Variants in C1QTNF3 observed in about 807,000 individuals in gnomAD.
C1QTNF3 encodes complement C1q tumor necrosis factor-related protein 3.
Under a neutral mutation model 32.6 loss-of-function variants are expected in C1QTNF3, and 26 were observed. That is an observed-to-expected ratio of 0.80 (90% CI 0.58 to 1.11). The LOEUF (loss-of-function observed/expected upper bound fraction) is 1.11, where lower values mean the gene tolerates loss of function less well. Among genes scored for constraint, C1QTNF3 ranks in the 50% least tolerant of loss-of-function variants. C1QTNF3 has a pLI of 0.00. For synonymous variants in C1QTNF3, 155 were observed against 146.0 expected (o/e 1.06, Z -0.44); for missense variants, 362 against 398.2 (o/e 0.91, Z 0.77).
the C1QTNF3 span, chr5:34,182,800 T>G: frequency 2.0e-6 from 1 of 511,990 alleles, no homozygotes; most frequent in East Asian, 5.7e-5. Context: ...TGTTGTCTGA[T>G]TTCAAAAGAC....
chr5:34,138,204 C>G, the C1QTNF3 span, among the ~76,000 whole-genome samples: 2 of 152,160 alleles, frequency 1.3e-5, no homozygotes, highest in African/African-American at 2.4e-5. Context: ...GCCATCCAGT[C>G]TCTTGTATTT....
chr5:34,170,967 T>C, the C1QTNF3 span, among the ~76,000 whole-genome samples: 2 of 152,178 alleles, frequency 1.3e-5, no homozygotes, highest in Non-Finnish European at 2.9e-5. Flanking sequence ...CAATAACTTA[T>C]GAAGCATCAT....
chr5:34,144,558 A>C, the C1QTNF3 span, among the ~76,000 whole-genome samples: 1 of 152,246 alleles, frequency 6.6e-6, no homozygotes, highest in Non-Finnish European at 1.5e-5. Context: ...AAATTCAAAG[A>C]ATTAGATATC....
chr5:34,175,518 A>C, the C1QTNF3 span: 1 of 300,074 alleles, frequency 3.3e-6, no homozygotes. Flanking sequence ...AATGAGGTCC[A>C]GTGTTTCCTT....
At position 34,019,172 on chromosome 5, in the gene C1QTNF3, A is replaced by G. The variant is rs903131066; in HGVS notation, c.*1411T>C. 6.6e-6 allele frequency among the ~76,000 whole-genome samples: 1 copy of G among 152,108 alleles called. No individual in the cohort carries two copies. The highest frequency in any genetic ancestry group is 6.5e-5 in the Admixed American group (1 of 15,274). On this transcript the variant is annotated 3_prime_UTR_variant, in exon 6 of 6. Transcript: ENST00000382065. ...TTTGCAAGTTTGTTTATTAGATGGTACATGTAAATTTCCTATGACACCTAC... is the reference window on the plus strand; with the variant it reads ...TTTGCAAGTTTGTTTATTAGATGGTGCATGTAAATTTCCTATGACACCTAC...
At chr5:34,120,504 T>C in the C1QTNF3 span, among the ~76,000 whole-genome samples, 1 of 152,212 alleles carries the variant, frequency 6.6e-6, no homozygotes, top group Non-Finnish European at 1.5e-5. Context: ...ATACCTGGTA[T>C]GATTTGGTTG....
the C1QTNF3 span, among the ~76,000 whole-genome samples, chr5:34,113,636 T>C: frequency 5.3e-5 from 8 of 152,130 alleles, no homozygotes; most frequent in Admixed American, 3.3e-4. Context: ...TTTTAAAATC[T>C]GGAAAATTTC....
chr5:34,028,999 A>G, intron 3 of C1QTNF3, 116 bp from the exon 4 acceptor site: 1 of 769,490 alleles, frequency 1.3e-6, no homozygotes, highest in Non-Finnish European at 2.0e-6. Flanking sequence ...ATAAACATCA[A>G]TCTATGGAGA....
the C1QTNF3 span, among the ~76,000 whole-genome samples, chr5:34,156,895 C>T: frequency 6.6e-6 from 1 of 152,142 alleles, no homozygotes; most frequent in South Asian, 2.1e-4. Flanking sequence ...TGTGAGTAAA[C>T]TCTGAAATAG....
chr5:34,112,476 A>C, the C1QTNF3 span, among the ~76,000 whole-genome samples: 2 of 148,908 alleles, frequency 1.3e-5, no homozygotes, highest in African/African-American at 2.5e-5. Flanking sequence ...CCTAGGCAAC[A>C]TAAGGATACT....
chr5:34,227,442 A>G, the C1QTNF3 span, among the ~76,000 whole-genome samples: 3 of 152,010 alleles, frequency 2.0e-5, no homozygotes, highest in Non-Finnish European at 4.4e-5. Context: ...GTATTAAATG[A>G]TCACTAGTAT....
the C1QTNF3 span, among the ~76,000 whole-genome samples, chr5:34,224,712 T>C: frequency 1.3e-4 from 20 of 152,192 alleles, 1 homozygote; most frequent in Middle Eastern, 3.4e-3. Flanking sequence ...GAAGAAAACC[T>C]AGGCATTACC....
the C1QTNF3 span, among the ~76,000 whole-genome samples, chr5:34,095,727 C>G: frequency 2.0e-5 from 3 of 151,982 alleles, no homozygotes; most frequent in Admixed American, 1.3e-4. Flanking sequence ...ATAGAACTTG[C>G]AAGTTCTCAG....
chr5:34,221,032 T>C, the C1QTNF3 span, among the ~76,000 whole-genome samples: 1 of 152,122 alleles, frequency 6.6e-6, no homozygotes, highest in Non-Finnish European at 1.5e-5. Flanking sequence ...TTTGTAATAT[T>C]GCTCCTAGCA....
the C1QTNF3 span, among the ~76,000 whole-genome samples, chr5:34,154,989 C>T: frequency 6.6e-5 from 10 of 152,272 alleles, no homozygotes; most frequent in East Asian, 1.9e-3. Context: ...TAACACATTG[C>T]TATGGTCACA....
chr5:34,099,034 A>T, the C1QTNF3 span, among the ~76,000 whole-genome samples: 2 of 152,252 alleles, frequency 1.3e-5, no homozygotes, highest in Non-Finnish European at 2.9e-5. Flanking sequence ...CCAGAAAATT[A>T]AGAAATCCTG....
At chr5:34,125,249 AG>A in the C1QTNF3 span, among the ~76,000 whole-genome samples, 1 of 152,100 alleles carries the variant, frequency 6.6e-6, no homozygotes, top group Non-Finnish European at 1.5e-5. Context: ...ATATAACCCA[AG>A]GGTCCATGCA....
chr5:34,154,857 C>T, the C1QTNF3 span, among the ~76,000 whole-genome samples: 1 of 152,112 alleles, frequency 6.6e-6, no homozygotes, highest in African/African-American at 2.4e-5. Context: ...TGGGCATGAA[C>T]CTGAGTATCT....
the C1QTNF3 span, among the ~76,000 whole-genome samples, chr5:34,235,417 T>C: frequency 6.6e-6 from 1 of 152,018 alleles, no homozygotes; most frequent in African/African-American, 2.4e-5. Context: ...ACTATTAATA[T>C]CCTACAATGC....
Sources: allele counts gnomAD v4.1 joint callset (sites outside exome capture counted in the v4.1 genomes callset), GRCh38; gene constraint gnomAD v4.1.1; transcripts MANE v1.5; gene names NCBI Gene and HGNC (gene_info 2026-07-23, HGNC 2026-07-21).